Variants in MGAT4C observed in about 807,000 individuals in gnomAD.
The protein encoded by MGAT4C is alpha-1,3-mannosyl-glycoprotein 4-beta-N-acetylglucosaminyltransferase C.
Under a neutral mutation model 40.1 loss-of-function variants are expected in MGAT4C, and 19 were observed. The ratio of observed to expected loss-of-function variants is 0.47; its 90% CI spans 0.33 to 0.70. The LOEUF (loss-of-function observed/expected upper bound fraction) is 0.70. MGAT4C is among the 30% of genes least tolerant of loss of function. The pLI is 0.02. For missense variants in MGAT4C, 491 were observed against 563.2 expected, an observed-to-expected ratio of 0.87 and a Z score of 1.30; for synonymous variants, 181 against 187.1, an observed-to-expected ratio of 0.97 and a Z score of 0.27.
intron 2 of MGAT4C, among the ~76,000 whole-genome samples, chr12:86,590,626 C>T (rs1435139727): frequency 6.6e-6 from 1 of 151,868 alleles, no homozygotes; most frequent in Non-Finnish European, 1.5e-5. Context: ...TCATAATTAA[C>T]AGCAATGTGA....
intron 1 of MGAT4C, among the ~76,000 whole-genome samples, chr12:86,216,453 G>A (rs1047519729): frequency 6.6e-6 from 1 of 152,122 alleles, no homozygotes; most frequent in Non-Finnish European, 1.5e-5. Flanking sequence ...TGTTCCATTG[G>A]CCAGTAAAAC....
intron 2 of MGAT4C, among the ~76,000 whole-genome samples, chr12:86,561,228 T>A (rs530182238): frequency 4.6e-5 from 7 of 152,196 alleles, no homozygotes; most frequent in African/African-American, 1.4e-4. Flanking sequence ...ATAAAAAAAA[T>A]TATCCTATAA....
intron 2 of MGAT4C, among the ~76,000 whole-genome samples, chr12:86,509,342 C>A (rs1359230628): frequency 6.6e-6 from 1 of 152,168 alleles, no homozygotes; most frequent in South Asian, 2.1e-4. Context: ...GCTTGTTTTT[C>A]TCAGGTTTGT....
intron 2 of MGAT4C, among the ~76,000 whole-genome samples, chr12:86,646,567 T>C (rs1202670671): frequency 6.6e-6 from 1 of 151,930 alleles, no homozygotes; most frequent in South Asian, 2.1e-4. Context: ...GTATTCTGTC[T>C]AGGAAATGTC....
intron 1 of MGAT4C, among the ~76,000 whole-genome samples, chr12:86,178,714 C>A (rs1566097506): frequency 6.6e-6 from 1 of 152,202 alleles, no homozygotes; most frequent in East Asian, 1.9e-4. Flanking sequence ...TGTTATGAAA[C>A]CATTAAATTA....
At chr12:86,603,530 T>TGA (rs1961891832) in intron 2 of MGAT4C, among the ~76,000 whole-genome samples, 1 of 21,992 alleles carries the variant, frequency 4.5e-5, no homozygotes, top group Non-Finnish European at 1.4e-4. Context: ...ATAGACTATA[T>TGA]ATAGTCTATA....
chr12:86,050,871 T>C (rs959772991), intron 1 of MGAT4C, among the ~76,000 whole-genome samples: 16 of 152,142 alleles, frequency 1.1e-4, no homozygotes, highest in Middle Eastern at 3.4e-3. Flanking sequence ...TGAAGTTATC[T>C]TCACAGCCAG....
At chr12:86,429,443 G>C (rs1259751088) in intron 3 of MGAT4C, among the ~76,000 whole-genome samples, 3 of 152,114 alleles carry the variant, frequency 2.0e-5, no homozygotes, top group African/African-American at 4.8e-5. Flanking sequence ...TGTTGCGGTT[G>C]GATGAAATAT....
chr12:86,025,773 G>T (rs189065326), intron 2 of MGAT4C, among the ~76,000 whole-genome samples: 61 of 151,572 alleles, frequency 4.0e-4, no homozygotes, highest in Admixed American at 2.6e-3. Flanking sequence ...AGCTTTCAGG[G>T]ATGTTTAATG....
chr12:86,385,898 A>T (rs1956040484), intron 3 of MGAT4C, among the ~76,000 whole-genome samples: 1 of 152,092 alleles, frequency 6.6e-6, no homozygotes, highest in Non-Finnish European at 1.5e-5. Context: ...TGTTACCATT[A>T]TTCTTATTCA....
intron 2 of MGAT4C, among the ~76,000 whole-genome samples, chr12:86,668,316 C>A (rs1964166936): frequency 6.6e-6 from 1 of 152,258 alleles, no homozygotes; most frequent in Admixed American, 6.5e-5. Context: ...CAAACAGCCC[C>A]TGTGATGGCG....
intron 2 of MGAT4C, among the ~76,000 whole-genome samples, chr12:86,035,147 C>T (rs902200636): frequency 1.3e-5 from 2 of 149,368 alleles, no homozygotes; most frequent in Non-Finnish European, 3.0e-5. Flanking sequence ...AAATTGCCAC[C>T]GTCTCTTCCA....
At chr12:86,769,105 C>A (rs569623079) in intron 1 of MGAT4C, among the ~76,000 whole-genome samples, 2 of 152,220 alleles carry the variant, frequency 1.3e-5, no homozygotes, top group African/African-American at 4.8e-5. Context: ...GAGAACATTT[C>A]TGCAACCTAC....
chr12:86,083,024 C>T (rs1644890535), intron 1 of MGAT4C, among the ~76,000 whole-genome samples: 1 of 152,022 alleles, frequency 6.6e-6, no homozygotes, highest in Non-Finnish European at 1.5e-5. Flanking sequence ...CACAAATGAA[C>T]TCAAATTATC....
intron 1 of MGAT4C, among the ~76,000 whole-genome samples, chr12:86,729,608 A>C (rs1950876695): frequency 6.6e-6 from 1 of 152,002 alleles, no homozygotes; most frequent in African/African-American, 2.4e-5. Context: ...ATTTCAACTA[A>C]CTTATTTTTG....
chr12:86,343,351 A>T (rs1442828252), intron 3 of MGAT4C, among the ~76,000 whole-genome samples: 1 of 152,206 alleles, frequency 6.6e-6, no homozygotes, highest in Non-Finnish European at 1.5e-5. Flanking sequence ...CAAACAATAT[A>T]CTGATCTGTT....
chr12:86,768,671 TA>T (rs1191031670), intron 1 of MGAT4C, among the ~76,000 whole-genome samples: 1 of 151,944 alleles, frequency 6.6e-6, no homozygotes, highest in African/African-American at 2.4e-5. Context: ...AAAACAGAGA[TA>T]TAGATCAATG....
rs566555966 is a variant in MGAT4C at position 85,975,600 on chromosome 12, C to T, written c.*3689G>A. On this transcript the variant is annotated 3_prime_UTR_variant, in exon 5 of 5. Coordinates refer to ENST00000611864, the MANE Select transcript of MGAT4C (RefSeq NM_001351288.2). ...GTCTCCCATGAAGACAAAAGGCATG[C>T]ATATAAAATTTGTTGAAACACAAAG... The T allele has an allele frequency of 6.6e-6, 1 of 150,778 alleles. No individual in the cohort carries two copies. The highest frequency in any genetic ancestry group is 2.1e-4 in the South Asian group (1 of 4,822). 9.3% of individuals were successfully genotyped at this position (150,778 alleles called of 1,614,324 possible).
chr12:86,165,918 C>T (rs932224015), intron 1 of MGAT4C, among the ~76,000 whole-genome samples: 1 of 152,110 alleles, frequency 6.6e-6, no homozygotes, highest in African/African-American at 2.4e-5. Context: ...CTGGCTTCAT[C>T]AATGTCAACA....
Sources: gnomAD v4.1 joint callset for allele counts (sites outside exome capture counted in the v4.1 genomes callset) on GRCh38, gnomAD v4.1.1 for gene constraint, MANE v1.5 for transcripts, NCBI Gene and HGNC (gene_info 2026-07-23, HGNC 2026-07-21) for gene names.